The following RTN3 variants were observed in gnomAD, a reference collection of about 807,000 sequenced individuals.
RTN3 encodes the protein reticulon 3.
Under a neutral mutation model 77.8 loss-of-function variants are expected in RTN3, and 49 were observed. That is an observed-to-expected ratio of 0.63 (90% CI 0.50 to 0.80). RTN3 has a LOEUF of 0.80. Ranked by LOEUF, RTN3 falls within the 30% of genes least tolerant of loss-of-function variation. RTN3 has a pLI of 0.00. For synonymous variants in RTN3, 464 were observed against 446.9 expected, an observed-to-expected ratio of 1.04 and a Z score of -0.48; for missense variants, 1,236 against 1,211.9, an observed-to-expected ratio of 1.02 and a Z score of -0.29.
intron 1 of RTN3, among the ~76,000 whole-genome samples, chr11:63,686,349 T>C (rs989362093): frequency 6.6e-6 from 1 of 151,738 alleles, no homozygotes; most frequent in Non-Finnish European, 1.5e-5. Flanking sequence ...GGGGCGCCTG[T>C]AGTCCCAGCT....
intron 1 of RTN3, among the ~76,000 whole-genome samples, chr11:63,694,473 G>A (rs1941831168): frequency 6.6e-6 from 1 of 150,796 alleles, no homozygotes; most frequent in Non-Finnish European, 1.5e-5. Flanking sequence ...ACTGCGCCTG[G>A]CCTTTTAATT....
intron 2 of RTN3, among the ~76,000 whole-genome samples, chr11:63,710,168 G>A (rs1942682180): frequency 6.6e-6 from 1 of 152,080 alleles, no homozygotes; most frequent in Non-Finnish European, 1.5e-5. Context: ...CAATTCAAAT[G>A]TATTTACTCA....
rs1590822168 is a variant in RTN3 at position 63,714,147 on chromosome 11, A to C, written c.200-4555A>C. The C allele has an allele frequency of 9.2e-6, 4 of 433,278 alleles. No individual in the cohort carries two copies. The East Asian group carries it at 2.8e-4, about 31-fold the overall frequency. The allele number at this position is 433,278 out of a possible 1,614,324, so 26.8% of individuals were successfully genotyped here. A position where few individuals can be genotyped will look rare whatever the true frequency, so the allele number is the denominator to read the frequency against. ...CCAATTTTTCCCATTGTCTTGGTAC[A>C]GGTCAGCTGTGTCCAAGTTTGTTAG... is the stretch of plus-strand genomic sequence containing the variant. On this transcript the variant is annotated intron_variant, in intron 2 of 8. Coordinates refer to ENST00000377819, the MANE Select transcript of RTN3 (RefSeq NM_001265589.2).
chr11:63,683,943 CTTTTTTTTTTTTTTTTTTT>C (rs35837590), intron 1 of RTN3, among the ~76,000 whole-genome samples: 1 of 58,952 alleles, frequency 1.7e-5, no homozygotes, highest in Non-Finnish European at 3.3e-5. Context: ...TCTTTTCTTT[CTTTTTTTTTTTTTTTTTTT>C]TTTTTTTTTT....
intron 3 of RTN3, among the ~76,000 whole-genome samples, chr11:63,725,183 T>A (rs370692769): frequency 1.3e-5 from 2 of 152,208 alleles, no homozygotes; most frequent in African/African-American, 4.8e-5. Flanking sequence ...CCTTCCAGTT[T>A]ATTTTAAATA....
intron 3 of RTN3, among the ~76,000 whole-genome samples, chr11:63,741,660 C>T (rs926903807): frequency 2.0e-5 from 3 of 151,930 alleles, no homozygotes; most frequent in Admixed American, 1.3e-4. Context: ...ACCACCATGC[C>T]CAGCTAACTT....
At chr11:63,737,002 G>A (rs2134994729) in intron 3 of RTN3, among the ~76,000 whole-genome samples, 1 of 150,168 alleles carries the variant, frequency 6.7e-6, no homozygotes, top group Admixed American at 6.6e-5. Flanking sequence ...CTGTGATAGG[G>A]TCTTGCTCTG....
chr11:63,756,425 G>C (rs2014385051), intron 8 of RTN3, among the ~76,000 whole-genome samples: 1 of 152,162 alleles, frequency 6.6e-6, no homozygotes, highest in Non-Finnish European at 1.5e-5. Context: ...TGTAATGCCA[G>C]TGCTTTGGGA....
At chr11:63,685,020 A>G (rs1350193019) in intron 1 of RTN3, among the ~76,000 whole-genome samples, 1 of 152,052 alleles carries the variant, frequency 6.6e-6, no homozygotes, top group African/African-American at 2.4e-5. Flanking sequence ...TCGGCCTCCC[A>G]AGGTGTTGGG....
intron 4 of RTN3, among the ~76,000 whole-genome samples, chr11:63,751,337 C>T (rs557392614): frequency 5.9e-5 from 9 of 152,276 alleles, no homozygotes; most frequent in Non-Finnish European, 1.0e-4. Flanking sequence ...TGTTTTCATT[C>T]TTGGTTTATT....
At chr11:63,698,615 G>C (rs1942080781) in intron 1 of RTN3, 1 of 169,454 alleles carries the variant, frequency 5.9e-6, no homozygotes, top group Non-Finnish European at 1.4e-5. Context: ...AAGATCAAGT[G>C]GCCAATCTCA....
At chr11:63,723,589 A>C (rs548630513) in intron 3 of RTN3, among the ~76,000 whole-genome samples, 1 of 151,656 alleles carries the variant, frequency 6.6e-6, no homozygotes, top group Non-Finnish European at 1.5e-5. Flanking sequence ...ACGCCCAGCT[A>C]ATTTTTTGTA....
chr11:63,743,689 C>T (rs1290501657), intron 3 of RTN3, among the ~76,000 whole-genome samples: 1 of 151,976 alleles, frequency 6.6e-6, no homozygotes, highest in African/African-American at 2.4e-5. Context: ...CTGAGGCGGG[C>T]GGATCATCTG....
chr11:63,689,215 T>A (rs1340681933), intron 1 of RTN3, among the ~76,000 whole-genome samples: 1 of 152,218 alleles, frequency 6.6e-6, no homozygotes, highest in African/African-American at 2.4e-5. Flanking sequence ...GCTGCTGAAG[T>A]AAGCACTCAT....
intron 4 of RTN3, among the ~76,000 whole-genome samples, chr11:63,751,872 A>T (rs1590890985): frequency 6.6e-6 from 1 of 152,090 alleles, no homozygotes; most frequent in South Asian, 2.1e-4. Flanking sequence ...GGTGCCTGTA[A>T]TCCCAGCTAT....
intron 3 of RTN3, among the ~76,000 whole-genome samples, chr11:63,730,926 A>G (rs1369054384): frequency 6.6e-6 from 1 of 152,202 alleles, no homozygotes; most frequent in Non-Finnish European, 1.5e-5. Flanking sequence ...GAACAGTACA[A>G]TCAATGAATT....
At chr11:63,686,837 A>T (rs1316946573) in intron 1 of RTN3, among the ~76,000 whole-genome samples, 1 of 152,200 alleles carries the variant, frequency 6.6e-6, no homozygotes, top group Non-Finnish European at 1.5e-5. Flanking sequence ...TCTTAAAAAA[A>T]AGAAAAGAAA....
chr11:63,701,220 G>GT (rs1279900649), intron 1 of RTN3, among the ~76,000 whole-genome samples: 1 of 151,142 alleles, frequency 6.6e-6, no homozygotes, highest in Admixed American at 6.6e-5. Context: ...TGTTGTTTCT[G>GT]TTTTTTTCCT....
intron 1 of RTN3, among the ~76,000 whole-genome samples, chr11:63,693,081 T>C (rs1019966632): frequency 3.3e-4 from 51 of 152,300 alleles, no homozygotes; most frequent in African/African-American, 1.2e-3. Flanking sequence ...AGCTTCCTTA[T>C]TGGTTTTGTC....
Sources: gnomAD v4.1 joint callset for allele counts (sites outside exome capture counted in the v4.1 genomes callset) on GRCh38, gnomAD v4.1.1 for gene constraint, MANE v1.5 for transcripts, NCBI Gene and HGNC (gene_info 2026-07-23, HGNC 2026-07-21) for gene names.